Variants in C2orf76 observed in about 807,000 individuals in gnomAD.
C2orf76 encodes the protein UPF0538 protein C2orf76.
Under a neutral mutation model 16.9 loss-of-function variants are expected in C2orf76, and 23 were observed. The ratio of observed to expected loss-of-function variants is 1.36; its 90% CI spans 0.98 to 1.93. C2orf76 has a LOEUF of 1.93. Among genes scored for constraint, C2orf76 ranks in the 30% most tolerant of loss-of-function variants. The probability of loss-of-function intolerance (pLI) is 0.00; values close to 1 mark genes in which losing one functional copy is unlikely to be tolerated. For synonymous variants in C2orf76, 48 were observed against 52.3 expected (o/e 0.92, Z 0.35); for missense variants, 152 against 152.6 (o/e 1.00, Z 0.02).
At chr2:119,347,822 C>T (rs1409896025) in intron 1 of C2orf76, among the ~76,000 whole-genome samples, 1 of 152,048 alleles carries the variant, frequency 6.6e-6, no homozygotes, top group Non-Finnish European at 1.5e-5. Flanking sequence ...GCTCCCATTT[C>T]CCTTCATCCA....
chr2:119,336,093 T>A (rs1418679934), intron 2 of C2orf76, among the ~76,000 whole-genome samples: 1 of 152,218 alleles, frequency 6.6e-6, no homozygotes, highest in African/African-American at 2.4e-5. Context: ...TCATAATATT[T>A]GATTAATATC....
the C2orf76 span, among the ~76,000 whole-genome samples, chr2:119,281,599 C>T: frequency 6.6e-6 from 1 of 152,066 alleles, no homozygotes; most frequent in African/African-American, 2.4e-5. Flanking sequence ...AACAGATCTT[C>T]CACAGAGTAA....
intron 1 of C2orf76, among the ~76,000 whole-genome samples, chr2:119,354,295 C>T (rs747915915): frequency 2.6e-5 from 4 of 152,156 alleles, no homozygotes; most frequent in African/African-American, 4.8e-5. Context: ...AGATCACTGA[C>T]GGATCACTTG....
At chr2:119,295,062 C>T in the C2orf76 span, among the ~76,000 whole-genome samples, 4,919 of 152,072 alleles carry the variant, frequency 0.032, 98 homozygotes, top group South Asian at 0.09. Flanking sequence ...GATATTGAGA[C>T]GGTGTTGTGG....
At chr2:119,358,337 G>A (rs1035849562) in intron 1 of C2orf76, among the ~76,000 whole-genome samples, 2 of 152,138 alleles carry the variant, frequency 1.3e-5, no homozygotes, top group African/African-American at 4.8e-5. Context: ...ATCATTTTGG[G>A]AGGCCTAGGT....
intron 1 of C2orf76, among the ~76,000 whole-genome samples, chr2:119,346,796 T>C (rs1680216838): frequency 6.6e-6 from 1 of 152,184 alleles, no homozygotes; most frequent in African/African-American, 2.4e-5. Context: ...GGCATACACA[T>C]ATATACACAC....
At chr2:119,321,113 T>C (rs6719102) in intron 3 of C2orf76, 41 bp downstream of exon 3, 195,595 of 1,039,806 alleles carry the variant, frequency 0.19, 20,705 homozygotes, top group Middle Eastern at 0.29. Context: ...TAATGCAAAA[T>C]TGTATTTATA....
Position 119,339,980 on chromosome 2 carries a change from A to C in C2orf76, c.-12-9T>G. 6.2e-7 allele frequency: 1 copy of C among 1,604,166 alleles called. No homozygotes were observed. Among genetic ancestry groups the C allele is most frequent in the South Asian group, 1.1e-5 (1 of 90,690 alleles). ...GCCATGTGAAGAAATTCCTGTGGCA[A>C]GAGACATGAGAACCATCTAAATGAA... On this transcript the variant is annotated splice_polypyrimidine_tract_variant and intron_variant, in intron 1 of 5. Transcript: ENST00000334816.
intron 4 of C2orf76, 40 bp downstream of exon 4, chr2:119,317,426 T>C (rs1265031385): frequency 8.2e-5 from 119 of 1,457,584 alleles, no homozygotes; most frequent in Non-Finnish European, 1.1e-4. Context: ...CCAACATTGA[T>C]TACTTGCTAT....
At chr2:119,317,854 TAA>T (rs56091366) in intron 3 of C2orf76, among the ~76,000 whole-genome samples, 7 of 150,732 alleles carry the variant, frequency 4.6e-5, no homozygotes, top group South Asian at 2.1e-4. Flanking sequence ...GCAAATAATG[TAA>T]AAAAAAAAGT....
intron 1 of C2orf76, among the ~76,000 whole-genome samples, chr2:119,365,073 G>C (rs1573701427): frequency 6.6e-6 from 1 of 152,186 alleles, no homozygotes; most frequent in South Asian, 2.1e-4. Flanking sequence ...AAAAGAGTGA[G>C]ACCACATCAC....
chr2:119,284,543 ATACAT>A, the C2orf76 span, among the ~76,000 whole-genome samples: 1 of 152,096 alleles, frequency 6.6e-6, no homozygotes, highest in Non-Finnish European at 1.5e-5. Flanking sequence ...TTATCTGGGC[ATACAT>A]TACCAAATTA....
At chr2:119,354,543 A>T (rs536055397) in intron 1 of C2orf76, among the ~76,000 whole-genome samples, 36 of 152,296 alleles carry the variant, frequency 2.4e-4, no homozygotes, top group African/African-American at 7.0e-4. Flanking sequence ...AATTTTTTTT[A>T]AAAAACCCTA....
intron 2 of C2orf76, among the ~76,000 whole-genome samples, chr2:119,337,062 TATTTA>T (rs1558789174): frequency 6.0e-5 from 9 of 148,996 alleles, no homozygotes; most frequent in African/African-American, 9.9e-5. Flanking sequence ...TTTATTTATT[TATTTA>T]TTTTTTGAGA....
chr2:119,314,994 T>C (rs1408344145), intron 4 of C2orf76, among the ~76,000 whole-genome samples: 1 of 152,204 alleles, frequency 6.6e-6, no homozygotes, highest in South Asian at 2.1e-4. Flanking sequence ...TTTTCAAGTG[T>C]GTGTGTGGTG....
the C2orf76 span, among the ~76,000 whole-genome samples, chr2:119,291,056 G>A: frequency 0.63 from 96,076 of 151,588 alleles, 30,882 homozygotes; most frequent in African/African-American, 0.67. Flanking sequence ...AGACTCTGCT[G>A]CCACCTGGTG....
At chr2:119,338,833 T>C (rs761724067) in intron 2 of C2orf76, 1 of 152,142 alleles carries the variant, frequency 6.6e-6, no homozygotes, top group Non-Finnish European at 1.5e-5. Context: ...CAAAGTACAA[T>C]AACATCAAGG....
chr2:119,322,321 A>T (rs1187347507), intron 2 of C2orf76, among the ~76,000 whole-genome samples: 1 of 150,986 alleles, frequency 6.6e-6, no homozygotes. Context: ...ATCCCCCTGC[A>T]TCAACCCCCC....
the C2orf76 span, among the ~76,000 whole-genome samples, chr2:119,291,610 C>T: frequency 1.3e-5 from 2 of 151,916 alleles, no homozygotes; most frequent in Non-Finnish European, 2.9e-5. Flanking sequence ...AAAACGAGTC[C>T]TTCCCTGGGT....
Sources: allele counts gnomAD v4.1 joint callset (sites outside exome capture counted in the v4.1 genomes callset), GRCh38; gene constraint gnomAD v4.1.1; transcripts MANE v1.5; gene names NCBI Gene and HGNC (gene_info 2026-07-23, HGNC 2026-07-21).